The following ZNF540 variants were observed in gnomAD, a reference collection of about 807,000 sequenced individuals.
ZNF540 encodes zinc finger protein 540.
In ZNF540, 3 loss-of-function variants were observed where a neutral mutation model predicts 11.8. That is an observed-to-expected ratio of 0.25 (90% CI 0.12 to 0.65). The LOEUF is 0.65. ZNF540 is among the 30% of genes least tolerant of loss of function. ZNF540 has a pLI of 0.83. For missense variants in ZNF540, 709 were observed against 793.1 expected, an observed-to-expected ratio of 0.89 and a Z score of 1.27; for synonymous variants, 247 against 259.0, an observed-to-expected ratio of 0.95 and a Z score of 0.45.
At chr19:37,577,204 C>CAT (rs2043271982) in intron 1 of ZNF540, among the ~76,000 whole-genome samples, 1 of 152,146 alleles carries the variant, frequency 6.6e-6, no homozygotes, top group Non-Finnish European at 1.5e-5. Flanking sequence ...AACCTTTCAT[C>CAT]ACCCTCCTCA....
intron 1 of ZNF540, among the ~76,000 whole-genome samples, chr19:37,582,204 A>G (rs2043495191): frequency 6.6e-6 from 1 of 152,124 alleles, no homozygotes; most frequent in South Asian, 2.1e-4. Context: ...TCTCTTTTAA[A>G]TACTCCACAA....
At chr19:37,590,494 T>G (rs2043838225), upstream of ZNF540, among the ~76,000 whole-genome samples, 1 of 152,130 alleles carries the variant, frequency 6.6e-6, no homozygotes, top group Non-Finnish European at 1.5e-5. Context: ...AACTCTGGAT[T>G]AGACAATTAT....
At chr19:37,591,368 T>TA (rs762896156), upstream of ZNF540, among the ~76,000 whole-genome samples, 1 of 152,174 alleles carries the variant, frequency 6.6e-6, no homozygotes, top group African/African-American at 2.4e-5. Flanking sequence ...ACCACTGGCT[T>TA]AAAAAAGAGC....
At chr19:37,583,724 A>G in intron 1 of ZNF540, 1 of 370,986 alleles carries the variant, frequency 2.7e-6, no homozygotes, top group Non-Finnish European at 4.9e-6. Context: ...GTGCATGGTC[A>G]TGCTAGGGGA....
upstream of ZNF540, among the ~76,000 whole-genome samples, chr19:37,593,814 A>G (rs1462767392): frequency 6.6e-6 from 1 of 152,146 alleles, no homozygotes; most frequent in Non-Finnish European, 1.5e-5. Context: ...TGATGATCCC[A>G]TCCCCGCAGC....
chr19:37,575,319 A>AT (rs2043206270), intron 1 of ZNF540, among the ~76,000 whole-genome samples: 1 of 152,246 alleles, frequency 6.6e-6, no homozygotes, highest in Non-Finnish European at 1.5e-5. Flanking sequence ...CTCCCCATGC[A>AT]TATAAGCATA....
chr19:37,611,746 C>A lies in ZNF540; in HGVS notation c.466C>A (p.Pro156Thr), dbSNP rs1050047629. Residue 156 changes from proline (P) to threonine (T), a missense_variant, in exon 5 of 5, where the codon CCC (proline) becomes ACC (threonine). Pro to Thr is a conservative substitution (Grantham distance 38). Transcript: ENST00000316433. ...SKKMSTDRKR[P>T]SFTLNQRIHN... ...AAAAATGTCAACTGATAGAAAACGT[C>A]CCTCTTTTACTCTGAATCAGAGAAT... 1.2e-6 allele frequency: 2 copies of A among 1,613,956 alleles called. No homozygotes were observed. The highest frequency in any genetic ancestry group is 1.7e-6 in the Non-Finnish European group (2 of 1,179,956).
chr19:37,591,613 C>T (rs189315669), upstream of ZNF540, among the ~76,000 whole-genome samples: 2 of 152,296 alleles, frequency 1.3e-5, no homozygotes, highest in East Asian at 1.9e-4. Context: ...GGCGCAATCT[C>T]GGCTCACCAC....
At chr19:37,603,151 G>A (rs1049088014) in intron 4 of ZNF540, among the ~76,000 whole-genome samples, 2 of 151,980 alleles carry the variant, frequency 1.3e-5, no homozygotes, top group African/African-American at 2.4e-5. Context: ...GGTATTACAG[G>A]CGCCTGCCAC....
chr19:37,565,747 T>G, intron 1 of ZNF540: 1 of 1,613,888 alleles, frequency 6.2e-7, no homozygotes, highest in Non-Finnish European at 8.5e-7. Context: ...CTTTCCCACA[T>G]GCGTTACACT....
chr19:37,597,390 T>C (rs2044004427), intron 1 of ZNF540: 1 of 152,128 alleles, frequency 6.6e-6, no homozygotes, highest in East Asian at 1.9e-4. Flanking sequence ...CCATCATGGA[T>C]TGTCTATGCC....
At chr19:37,575,066 C>T (rs2043197400) in intron 1 of ZNF540, among the ~76,000 whole-genome samples, 1 of 152,180 alleles carries the variant, frequency 6.6e-6, no homozygotes, top group African/African-American at 2.4e-5. Flanking sequence ...CCTAACAATA[C>T]AACACCCCAA....
chr19:37,579,920 A>G (rs1286807596), intron 1 of ZNF540, among the ~76,000 whole-genome samples: 1 of 152,166 alleles, frequency 6.6e-6, no homozygotes, highest in East Asian at 1.9e-4. Context: ...TTCTTATTTT[A>G]CCAGGTTTTG....
chr19:37,583,773 G>A (rs1195242476), intron 1 of ZNF540: 18 of 492,148 alleles, frequency 3.7e-5, no homozygotes, highest in Non-Finnish European at 5.3e-5. Flanking sequence ...ATCAAAGAAG[G>A]GAGACACTGA....
intron 1 of ZNF540, among the ~76,000 whole-genome samples, chr19:37,562,105 G>T (rs1050856070): frequency 6.6e-6 from 1 of 152,138 alleles, no homozygotes; most frequent in Admixed American, 6.5e-5. Context: ...AATGTAGGCC[G>T]GGTGCGGTGG....
At chr19:37,561,139 G>A (rs1480189011) in intron 1 of ZNF540, among the ~76,000 whole-genome samples, 2 of 151,770 alleles carry the variant, frequency 1.3e-5, no homozygotes, top group Non-Finnish European at 2.9e-5. Flanking sequence ...TACTTGGAAG[G>A]TTGAAGCAGG....
At chr19:37,564,971 G>C (rs142077997) in intron 1 of ZNF540, 9 of 1,612,702 alleles carry the variant, frequency 5.6e-6, no homozygotes, top group Middle Eastern at 1.6e-4. Context: ...AAGTTGTGTA[G>C]CACGTACAAA....
chr19:37,590,358 A>C (rs1337996139), upstream of ZNF540, among the ~76,000 whole-genome samples: 1 of 152,138 alleles, frequency 6.6e-6, no homozygotes, highest in African/African-American at 2.4e-5. Flanking sequence ...CGGAGCTTGC[A>C]GTGAGCCAAG....
chr19:37,605,879 GTGTC>G (rs992445933), intron 4 of ZNF540, among the ~76,000 whole-genome samples: 2 of 152,148 alleles, frequency 1.3e-5, no homozygotes, highest in Non-Finnish European at 2.9e-5. Context: ...TTGGTAAAAA[GTGTC>G]TGTTCAGAAA....
Sources: allele counts gnomAD v4.1 joint callset (sites outside exome capture counted in the v4.1 genomes callset), GRCh38; gene constraint gnomAD v4.1.1; transcripts MANE v1.5; gene names NCBI Gene and HGNC (gene_info 2026-07-23, HGNC 2026-07-21).